Variants in BIN1 observed in about 807,000 individuals in gnomAD.
BIN1 encodes the protein bridging integrator 1, also known as myc box-dependent-interacting protein 1.
A neutral mutation model predicts 82.0 loss-of-function variants in BIN1; 53 were observed. The ratio of observed to expected loss-of-function variants is 0.65; its 90% confidence interval spans 0.52 to 0.81. The LOEUF is 0.81. BIN1 is among the 40% of genes least tolerant of loss of function. The pLI is 0.00. For synonymous variants in BIN1, 302 were observed against 328.0 expected, an observed-to-expected ratio of 0.92 and a Z score of 0.86; for missense variants, 642 against 784.4, an observed-to-expected ratio of 0.82 and a Z score of 2.17.
chr2:127,057,725 C>A lies in BIN1; in HGVS notation c.1003-124G>T, dbSNP rs555989078. On this transcript the variant is annotated intron_variant, in intron 11 of 18. Transcript: ENST00000316724. The surrounding 1 kb of genome is among the most constrained non-coding windows in gnomAD (Gnocchi z 5.0). ...TCAGGCCACAGTCCCACCCAGGCCA[C>A]TGAGCAGGACGCAGCAAATGAAGAG... 5.9e-5 allele frequency: 73 copies of A among 1,228,492 alleles called. No individual in the cohort carries two copies. In the African/African-American group the frequency reaches 9.6e-4, roughly 16 times the overall value. The allele number at this position is 1,228,492 out of a possible 1,614,324, so 76.1% of individuals were successfully genotyped here. A position where few individuals can be genotyped will look rare whatever the true frequency, so the allele number is the denominator to read the frequency against.
intron 1 of BIN1, among the ~76,000 whole-genome samples, chr2:127,098,254 C>T (rs184448045): frequency 2.0e-4 from 31 of 152,274 alleles, no homozygotes; most frequent in Admixed American, 1.8e-3. Flanking sequence ...GATGGGGAGG[C>T]CTGCAGGGAA....
Position 127,086,240 on chromosome 2 carries a change from G to A in BIN1, c.85-9534C>T, listed in dbSNP as rs370841418. ...CACACCTGATCAGTTCCAAAGCCCA[G>A]ACTCAACTTTTGACTCCCAAACTGG... On this transcript the variant is annotated intron_variant, in intron 1 of 18. Coordinates refer to ENST00000316724, the MANE Select transcript of BIN1 (RefSeq NM_139343.3). 5.9e-5 allele frequency among the ~76,000 whole-genome samples: 9 copies of A among 152,308 alleles called. No individual in the cohort carries two copies. The South Asian group carries it at 1.9e-3, about 32-fold the overall frequency.
intron 8 of BIN1, 22 bp downstream of exon 8, chr2:127,063,911 T>G: frequency 6.2e-7 from 1 of 1,612,964 alleles, no homozygotes; most frequent in Non-Finnish European, 8.5e-7. Context: ...CCACGCAGGC[T>G]GGGCACCGTG....
chr2:127,078,189 C>T (rs1273671620), intron 1 of BIN1, among the ~76,000 whole-genome samples: 1 of 151,872 alleles, frequency 6.6e-6, no homozygotes, highest in Non-Finnish European at 1.5e-5. Flanking sequence ...GCACTTCCCC[C>T]CCCAGCCAGG....
rs1346730266 is a variant in BIN1 at position 127,059,338 on chromosome 2, CT to C, written c.858-184del. Among the ~76,000 whole-genome samples, 1 of 147,532 alleles carries C rather than the reference CT, an allele frequency of 6.8e-6. No homozygotes were observed. The highest frequency in any genetic ancestry group is 2.0e-4 in the East Asian group (1 of 4,994). On this transcript the variant is annotated intron_variant, in intron 10 of 18. Transcript: ENST00000316724. This position sits in a 1 kb window ranked among gnomAD's most constrained non-coding sequence, Gnocchi z 6.7. ...GGTGGGGGGAGCCAAGGGACCTGGG[CT>C]TGGGGGGCTGGAAGTGGGAAGCCTG... is the stretch of plus-strand genomic sequence containing the variant.
At chr2:127,051,958 G>A (rs1286228566) in intron 15 of BIN1, among the ~76,000 whole-genome samples, 1 of 152,246 alleles carries the variant, frequency 6.6e-6, no homozygotes, top group Admixed American at 6.5e-5. Context: ...GATTAAATGA[G>A]AAGATTCTGG....
chr2:127,050,485 T>A lies in BIN1; in HGVS notation c.1610A>T (p.Asp537Val), dbSNP rs1278822201. The change falls in exon 18 of 19, where the codon GAC becomes GTC. Residue 537 changes from aspartate (D) to valine (V), a missense_variant. Coordinates refer to ENST00000316724, the MANE Select transcript of BIN1 (RefSeq NM_139343.3). ...AQHDYTATDT[D>V]ELQLKAGDVV... Reference sequence around the variant, plus strand: ...ATCACCAGCCTTGAGCTGCAGCTCGTCTGTGTCAGTGGCCGTGTAGTCGTG... The same window carrying A: ...ATCACCAGCCTTGAGCTGCAGCTCGACTGTGTCAGTGGCCGTGTAGTCGTG... 4 of 1,614,094 alleles carry A rather than the reference T, an allele frequency of 2.5e-6. No individual in the cohort carries two copies.
chr2:127,061,981 C>A lies in BIN1; in HGVS notation c.857+134G>T, dbSNP rs111897541. Reference sequence around the variant, plus strand: ...CCTGCCTCCCTGAGCACAGAGAGGCCAAGACAGGAAGGTCCCTAGACCCCC... The same window carrying A: ...CCTGCCTCCCTGAGCACAGAGAGGCAAAGACAGGAAGGTCCCTAGACCCCC... On this transcript the variant is annotated intron_variant, in intron 10 of 18. Coordinates refer to ENST00000316724, the MANE Select transcript of BIN1 (RefSeq NM_139343.3). 29,998 of 970,824 alleles carry A rather than the reference C, an allele frequency of 0.031. 594 individuals carry two copies. Among genetic ancestry groups the A allele is most frequent in the Non-Finnish European group, 0.039 (25,428 of 651,158 alleles). 60.1% of individuals were successfully genotyped at this position (970,824 alleles called of 1,614,324 possible). A position where few individuals can be genotyped will look rare whatever the true frequency, so the allele number is the denominator to read the frequency against.
intron 1 of BIN1, among the ~76,000 whole-genome samples, chr2:127,098,773 G>A (rs990966171): frequency 6.6e-6 from 1 of 152,250 alleles, no homozygotes; most frequent in African/African-American, 2.4e-5. Flanking sequence ...GCCCAGTACT[G>A]CTGTCACCTG....
intron 1 of BIN1, 53 bp from the exon 2 acceptor site, chr2:127,076,759 C>A: frequency 6.2e-7 from 1 of 1,602,694 alleles, no homozygotes; most frequent in South Asian, 1.1e-5. Flanking sequence ...GGAGAGTGGT[C>A]AAACCAAGAG....
intron 14 of BIN1, chr2:127,053,180 CCT>C (rs1683180814): frequency 1.7e-6 from 1 of 605,046 alleles, no homozygotes. Context: ...TCAGGGGACC[CCT>C]GTCTCAAGCT....
chr2:127,091,725 C>CA (rs57195434), intron 1 of BIN1, among the ~76,000 whole-genome samples: 38,777 of 150,374 alleles, frequency 0.26, 5,157 homozygotes, highest in East Asian at 0.35. Context: ...CCCATTTCTA[C>CA]AAAAAAAAAA....
intron 1 of BIN1, among the ~76,000 whole-genome samples, chr2:127,098,445 G>A (rs1305427340): frequency 1.3e-5 from 2 of 152,158 alleles, no homozygotes; most frequent in Admixed American, 6.5e-5. Flanking sequence ...GCAGCAGTGG[G>A]GGCTGGGCAT....
intron 1 of BIN1, 83 bp downstream of exon 1, chr2:127,106,777 C>T: frequency 4.0e-6 from 6 of 1,496,402 alleles, no homozygotes; most frequent in Non-Finnish European, 5.4e-6. Context: ...GACCAGGCCC[C>T]GGGGTCGGAG....
At chr2:127,058,293 G>A (rs1683968882) in intron 11 of BIN1, among the ~76,000 whole-genome samples, 3 of 152,224 alleles carry the variant, frequency 2.0e-5, no homozygotes, top group Non-Finnish European at 4.4e-5. Context: ...ACCATGTCCA[G>A]GCCGGGGGAA....
chr2:127,065,794 G>A (rs142677609), intron 7 of BIN1, among the ~76,000 whole-genome samples: 9 of 152,326 alleles, frequency 5.9e-5, no homozygotes, highest in Non-Finnish European at 1.0e-4. Context: ...GCAAGAGCGG[G>A]GACAGTTCCG....
chr2:127,068,538 A>G lies in BIN1; in HGVS notation c.520-283T>C, dbSNP rs539770834. Among the ~76,000 whole-genome samples the G allele has an allele frequency of 2.0e-5, 3 of 152,294 alleles. No individual in the cohort carries two copies. The highest frequency in any genetic ancestry group is 2.0e-4 in the Admixed American group (3 of 15,310). ...ACGGGGCCACCCCAGCCCCTCACCA[A>G]AGGATGAGTGGGGCCAGCTCTGCAC... On this transcript the variant is annotated intron_variant, in intron 6 of 18. Coordinates refer to ENST00000316724, the MANE Select transcript of BIN1 (RefSeq NM_139343.3). This position sits in a 1 kb window ranked among gnomAD's most constrained non-coding sequence, Gnocchi z 4.9.
At chr2:127,095,452 C>A (rs1679471874) in intron 1 of BIN1, among the ~76,000 whole-genome samples, 1 of 152,242 alleles carries the variant, frequency 6.6e-6, no homozygotes, top group African/African-American at 2.4e-5. Context: ...GTGGGTTCAC[C>A]TTCCCTTTGG....
intron 10 of BIN1, among the ~76,000 whole-genome samples, chr2:127,061,035 C>G (rs1372107544): frequency 6.6e-6 from 1 of 152,194 alleles, no homozygotes; most frequent in African/African-American, 2.4e-5. Context: ...GCCCCTCTCT[C>G]TTCCCTCCAC....
Sources: gnomAD v4.1 joint callset for allele counts (sites outside exome capture counted in the v4.1 genomes callset) on GRCh38, gnomAD v4.1.1 for gene constraint, Gnocchi (gnomAD v3.1) non-coding constraint, MANE v1.5 for transcripts, NCBI Gene and HGNC (gene_info 2026-07-23, HGNC 2026-07-21) for gene names.